PDZD2: variants seen among roughly 807,000 people sequenced by gnomAD.
The protein encoded by PDZD2 is PDZ domain-containing protein 2.
PDZD2 carries 90 observed loss-of-function variants against 220.7 expected under a neutral mutation model. The observed-to-expected ratio is 0.41, with a 90% CI of 0.34 to 0.49. PDZD2 has a LOEUF of 0.49. PDZD2 is among the 20% of genes least tolerant of loss of function. The probability of loss-of-function intolerance (pLI) is 0.28; values close to 1 mark genes in which losing one functional copy is unlikely to be tolerated. For missense variants in PDZD2, 3,174 were observed against 3,608.5 expected, an observed-to-expected ratio of 0.88 and a Z score of 3.08; for synonymous variants, 1,375 against 1,450.5, an observed-to-expected ratio of 0.95 and a Z score of 1.18.
At chr5:31,642,575 G>A (rs1744988519) in intron 1 of PDZD2, among the ~76,000 whole-genome samples, 1 of 152,224 alleles carries the variant, frequency 6.6e-6, no homozygotes, top group African/African-American at 2.4e-5. Flanking sequence ...GTATTTTGAG[G>A]AGGTTGTAGC....
chr5:31,713,764 C>G (rs928068713), intron 1 of PDZD2, among the ~76,000 whole-genome samples: 1 of 152,186 alleles, frequency 6.6e-6, no homozygotes, highest in Non-Finnish European at 1.5e-5. Flanking sequence ...CTAGGCTGGT[C>G]TCAAACACCT....
Position 31,833,206 on chromosome 5 carries a change from T to C in PDZD2, c.476+33482T>C, listed in dbSNP as rs73060345. On this transcript the variant is annotated intron_variant, in intron 2 of 24. Coordinates refer to ENST00000438447, the MANE Select transcript of PDZD2 (RefSeq NM_178140.4). ...GGTGGAGGCTGGGCCTGGTGACTCATGCCTGTAATCCCGGTGCTTTGGGAG... is the reference window on the plus strand; with the variant it reads ...GGTGGAGGCTGGGCCTGGTGACTCACGCCTGTAATCCCGGTGCTTTGGGAG... Among the ~76,000 whole-genome samples the C allele has an allele frequency of 9.3e-3, 1,409 of 152,292 alleles. 23 individuals carry two copies. The highest frequency in any genetic ancestry group is 0.032 in the African/African-American group (1,339 of 41,572).
At position 32,087,127 on chromosome 5, in the gene PDZD2, G is replaced by A. The variant is rs373298448; in HGVS notation, c.3683-4G>A. On this transcript the variant is annotated splice_polypyrimidine_tract_variant and splice_region_variant and intron_variant, in intron 19 of 24. Coordinates refer to ENST00000438447, the MANE Select transcript of PDZD2 (RefSeq NM_178140.4). The surrounding 1 kb of genome is among the most constrained non-coding windows in gnomAD (Gnocchi z 4.0). ...TGTACCTTCTGTTTACGTTCCCCAC[G>A]TAGAACTGGACAGCTCCTCAGACCT... is the stretch of plus-strand genomic sequence containing the variant. 14 of 1,585,284 alleles carry A rather than the reference G, an allele frequency of 8.8e-6. No homozygotes were observed. The highest frequency in any genetic ancestry group is 5.0e-5 in the Admixed American group (3 of 59,630).
intron 2 of PDZD2, among the ~76,000 whole-genome samples, chr5:31,800,247 T>C (rs1240458179): frequency 1.3e-5 from 2 of 152,196 alleles, no homozygotes; most frequent in Non-Finnish European, 2.9e-5. Context: ...AGGACACAGA[T>C]AAACATCAGC....
At chr5:31,904,422 T>G (rs1742435129) in intron 2 of PDZD2, among the ~76,000 whole-genome samples, 1 of 152,214 alleles carries the variant, frequency 6.6e-6, no homozygotes, top group Non-Finnish European at 1.5e-5. Flanking sequence ...TTATAAACAT[T>G]CCAATACATT....
chr5:31,661,356 T>C (rs1745754885), intron 1 of PDZD2: 1 of 152,210 alleles, frequency 6.6e-6, no homozygotes, highest in Non-Finnish European at 1.5e-5. Context: ...AACTTTTGCC[T>C]CTGACACATT....
At chr5:31,968,898 A>G (rs1749010997) in intron 2 of PDZD2, among the ~76,000 whole-genome samples, 1 of 152,194 alleles carries the variant, frequency 6.6e-6, no homozygotes, top group African/African-American at 2.4e-5. Flanking sequence ...ATAGATAAAA[A>G]CGAAAACATG....
intron 1 of PDZD2, among the ~76,000 whole-genome samples, chr5:31,707,309 ATTAATTAAT>A (rs1279446192): frequency 2.7e-5 from 4 of 148,650 alleles, no homozygotes; most frequent in Non-Finnish European, 6.0e-5. Flanking sequence ...TAATAAATAA[ATTAATTAAT>A]TAATTAATTA....
intron 2 of PDZD2, among the ~76,000 whole-genome samples, chr5:31,973,135 T>C (rs1040094545): frequency 2.6e-5 from 4 of 152,190 alleles, no homozygotes; most frequent in Admixed American, 2.6e-4. Flanking sequence ...TATTGATTCA[T>C]AAAGAAAGGA....
intron 2 of PDZD2, among the ~76,000 whole-genome samples, chr5:31,874,837 C>A (rs1454313043): frequency 6.6e-6 from 1 of 151,022 alleles, no homozygotes; most frequent in Non-Finnish European, 1.5e-5. Context: ...ATTTAATGGT[C>A]ATGAATATTT....
intron 1 of PDZD2, among the ~76,000 whole-genome samples, chr5:31,723,400 A>G (rs1332486166): frequency 1.3e-5 from 2 of 152,074 alleles, no homozygotes; most frequent in East Asian, 1.9e-4. Context: ...CCCCAAAACA[A>G]TCTTTCAGAG....
At chr5:31,678,144 C>T (rs562702154) in intron 1 of PDZD2, among the ~76,000 whole-genome samples, 1 of 152,312 alleles carries the variant, frequency 6.6e-6, no homozygotes, top group East Asian at 1.9e-4. Flanking sequence ...GAGCATTTCC[C>T]TAGGGCAGGC....
intron 8 of PDZD2, among the ~76,000 whole-genome samples, chr5:32,052,036 A>G (rs1427463939): frequency 1.3e-5 from 2 of 152,234 alleles, no homozygotes; most frequent in Non-Finnish European, 2.9e-5. Flanking sequence ...TTCCAGATGT[A>G]GAATCTGTGG....
intron 24 of PDZD2, chr5:32,106,615 T>C (rs1744788155): frequency 2.0e-5 from 3 of 152,234 alleles, no homozygotes. Context: ...AAACCCAGTC[T>C]GATTGCTCCT....
rs964679193 is a variant in PDZD2 at position 31,695,055 on chromosome 5, C to T, written c.-361+55618C>T. Among the ~76,000 whole-genome samples the T allele has an allele frequency of 1.3e-4, 19 of 151,838 alleles. No individual in the cohort carries two copies. The South Asian group carries it at 1.5e-3, about 12-fold the overall frequency. The stretch of plus-strand genomic sequence containing the variant: ...AGGAGAATTGCTTGAACCCAGGAGG[C>T]GGAGGTTGCAGTGAGCCGAGATCGC... On this transcript the variant is annotated intron_variant, in intron 1 of 24. Transcript: ENST00000438447.
At chr5:31,969,722 C>T (rs755995247) in intron 2 of PDZD2, among the ~76,000 whole-genome samples, 2 of 151,760 alleles carry the variant, frequency 1.3e-5, no homozygotes, top group Non-Finnish European at 2.9e-5. Flanking sequence ...TCCTAAAAAT[C>T]ACTGAATTAT....
intron 2 of PDZD2, among the ~76,000 whole-genome samples, chr5:31,927,592 C>T (rs562431912): frequency 1.4e-4 from 21 of 152,066 alleles, no homozygotes; most frequent in Non-Finnish European, 2.2e-4. Context: ...ACCATGTTGG[C>T]CAGGCTGGTC....
At chr5:31,894,864 C>T (rs1741394373) in intron 2 of PDZD2, among the ~76,000 whole-genome samples, 1 of 152,102 alleles carries the variant, frequency 6.6e-6, no homozygotes. Flanking sequence ...TCAATCTTGT[C>T]CCAGTCTTGC....
chr5:31,807,303 T>C (rs1033514320), intron 2 of PDZD2, among the ~76,000 whole-genome samples: 1 of 152,144 alleles, frequency 6.6e-6, no homozygotes, highest in African/African-American at 2.4e-5. Context: ...GAGAGGTGTG[T>C]CAGGCTTTTG....
Sources: gnomAD v4.1 joint callset for allele counts (sites outside exome capture counted in the v4.1 genomes callset) on GRCh38, gnomAD v4.1.1 for gene constraint, Gnocchi (gnomAD v3.1) non-coding constraint, MANE v1.5 for transcripts, NCBI Gene and HGNC (gene_info 2026-07-23, HGNC 2026-07-21) for gene names.